Variants in CNNM2 observed in about 807,000 individuals in gnomAD.
The protein encoded by CNNM2 is cyclin and CBS domain divalent metal cation transport mediator 2.
In CNNM2, 12 loss-of-function variants were observed where a neutral mutation model predicts 66.9. That is an observed-to-expected ratio of 0.18 (90% CI 0.11 to 0.29). The LOEUF (loss-of-function observed/expected upper bound fraction) is 0.29, where lower values mean the gene tolerates loss of function less well. Ranked by LOEUF, CNNM2 falls within the 10% of genes least tolerant of loss-of-function variation. The probability of loss-of-function intolerance (pLI) is 1.00; values close to 1 mark genes in which losing one functional copy is unlikely to be tolerated. For missense variants in CNNM2, 705 were observed against 1,167.7 expected (o/e 0.60, Z 5.77); for synonymous variants, 557 against 501.8 (o/e 1.11, Z -1.47).
Position 103,081,564 on chromosome 10 carries a change from AGTTG to A in CNNM2, c.*4388_*4391del. The A allele has an allele frequency of 6.6e-6, 1 of 152,222 alleles. No homozygotes were observed. Among genetic ancestry groups the A allele is most frequent in the East Asian group, 1.9e-4 (1 of 5,172 alleles). 9.4% of individuals were successfully genotyped at this position (152,222 alleles called of 1,614,324 possible). On this transcript the variant is annotated 3_prime_UTR_variant, in exon 8 of 8. Transcript: ENST00000369878. ...TCTTTTCCTATTTCTTAGGTGTTCA[AGTTG>A]GTTAATAGGAGAGAGACGTTCAGAG... is the stretch of plus-strand genomic sequence containing the variant.
intron 2 of CNNM2, among the ~76,000 whole-genome samples, chr10:103,052,294 A>AC (rs375313176): frequency 4.0e-4 from 60 of 151,194 alleles, no homozygotes; most frequent in African/African-American, 1.3e-3. Context: ...AAAAAAACAA[A>AC]AAAAAAAAAA....
In CNNM2 at chr10:103,032,680, TTTA is replaced by T. The variant is rs2064851301; in HGVS notation, c.1622-17026_1622-17024del. Among the ~76,000 whole-genome samples, 5 of 145,470 alleles carry T rather than the reference TTTA, an allele frequency of 3.4e-5. No individual in the cohort carries two copies. The South Asian group carries it at 6.5e-4, about 19-fold the overall frequency. On this transcript the variant is annotated intron_variant, in intron 1 of 7. Transcript: ENST00000369878. ...GTAGCTCTTTTTTTTTTTTTTTTTT[TTTA>T]AATAGCTGCATAGCATTCTATTGCT...
At position 103,078,340 on chromosome 10, in the gene CNNM2, C is replaced by G. The variant is rs886821530; in HGVS notation, c.*1160C>G. Reference sequence around the variant, plus strand: ...CAGGGAGCCAACTGTCCCTCCTCCCCTGTCCCTGGGCCCATGGGGCCCGGC... The same window carrying G: ...CAGGGAGCCAACTGTCCCTCCTCCCGTGTCCCTGGGCCCATGGGGCCCGGC... On this transcript the variant is annotated 3_prime_UTR_variant, in exon 8 of 8. Coordinates refer to ENST00000369878, the MANE Select transcript of CNNM2 (RefSeq NM_017649.5). 1 of 152,332 alleles carries G rather than the reference C, an allele frequency of 6.6e-6. No individual in the cohort carries two copies. Among genetic ancestry groups the G allele is most frequent in the Non-Finnish European group, 1.5e-5 (1 of 68,078 alleles). The allele number at this position is 152,332 out of a possible 1,614,324, so 9.4% of individuals were successfully genotyped here. A position where few individuals can be genotyped will look rare whatever the true frequency, so the allele number is the denominator to read the frequency against.
chr10:103,070,845 G>A (rs937789187), intron 5 of CNNM2, among the ~76,000 whole-genome samples: 2 of 152,082 alleles, frequency 1.3e-5, no homozygotes, highest in East Asian at 1.9e-4. Flanking sequence ...CAGGAGAATC[G>A]CTTGAACCTG....
intron 1 of CNNM2, among the ~76,000 whole-genome samples, chr10:103,037,414 C>A (rs901603936): frequency 3.6e-4 from 54 of 151,908 alleles, no homozygotes; most frequent in African/African-American, 1.3e-3. Flanking sequence ...CCACCATGAC[C>A]ACCATGTCTG....
In CNNM2 at chr10:103,085,827, G is replaced by GA; in HGVS notation, c.*8649dup. On this transcript the variant is annotated 3_prime_UTR_variant, in exon 8 of 8. Coordinates refer to ENST00000369878, the MANE Select transcript of CNNM2 (RefSeq NM_017649.5). The stretch of plus-strand genomic sequence containing the variant: ...TGAGATCACATACCTTTGTTGGAAT[G>GA]AATCAGACTGTTGTGGCCTTGGGAT... 1 of 152,284 alleles carries GA rather than the reference G, an allele frequency of 6.6e-6. No individual in the cohort carries two copies. Among genetic ancestry groups the GA allele is most frequent in the African/African-American group, 2.4e-5 (1 of 41,554 alleles). 9.4% of individuals were successfully genotyped at this position (152,284 alleles called of 1,614,324 possible).
Position 103,082,492 on chromosome 10 carries a change from TTTC to T in CNNM2, c.*5315_*5317del, listed in dbSNP as rs890710183. ...ACTGTGAAGGTGAAGTTATCAATTT[TTTC>T]TTGTTTGAGTCCTTTAAACCCACAA... On this transcript the variant is annotated 3_prime_UTR_variant, in exon 8 of 8. Coordinates refer to ENST00000369878, the MANE Select transcript of CNNM2 (RefSeq NM_017649.5). 2 of 152,232 alleles carry T rather than the reference TTTC, an allele frequency of 1.3e-5. No individual in the cohort carries two copies. Among genetic ancestry groups the T allele is most frequent in the African/African-American group, 2.4e-5 (1 of 41,458 alleles). 9.4% of individuals were successfully genotyped at this position (152,232 alleles called of 1,614,324 possible). A position where few individuals can be genotyped will look rare whatever the true frequency, so the allele number is the denominator to read the frequency against.
chr10:102,931,712 T>C (rs1846070776), intron 1 of CNNM2, among the ~76,000 whole-genome samples: 1 of 152,134 alleles, frequency 6.6e-6, no homozygotes. Context: ...AATTGCTGGA[T>C]CATATGGTAA....
At chr10:102,924,538 A>G (rs911512269) in intron 1 of CNNM2, among the ~76,000 whole-genome samples, 2 of 152,080 alleles carry the variant, frequency 1.3e-5, no homozygotes, top group African/African-American at 4.8e-5. Context: ...AAATCTCTCC[A>G]TATTAATATA....
At chr10:102,935,971 TG>T (rs1168492312) in intron 1 of CNNM2, among the ~76,000 whole-genome samples, 1 of 151,580 alleles carries the variant, frequency 6.6e-6, no homozygotes, top group Non-Finnish European at 1.5e-5. Flanking sequence ...AGAGACAAAA[TG>T]AAACTCTATG....
intron 1 of CNNM2, among the ~76,000 whole-genome samples, chr10:103,026,664 C>A (rs1334992908): frequency 1.4e-5 from 2 of 143,530 alleles, no homozygotes; most frequent in Non-Finnish European, 3.0e-5. Context: ...AGTAAAATTT[C>A]TACTTAATCC....
chr10:102,963,591 TG>T (rs2063416972), intron 1 of CNNM2, among the ~76,000 whole-genome samples: 1 of 152,258 alleles, frequency 6.6e-6, no homozygotes, highest in Non-Finnish European at 1.5e-5. Context: ...GATTCAAGGC[TG>T]ATTGTTCCCG....
chr10:103,043,230 T>C (rs2065072538), intron 1 of CNNM2, among the ~76,000 whole-genome samples: 2 of 152,186 alleles, frequency 1.3e-5, no homozygotes, highest in African/African-American at 4.8e-5. Context: ...CCCCACAGGC[T>C]CAGTTTGCCT....
At position 103,048,325 on chromosome 10, in the gene CNNM2, C is replaced by G. The variant is rs145726160; in HGVS notation, c.1622-1382C>G. Among the ~76,000 whole-genome samples the G allele has an allele frequency of 4.0e-3, 610 of 151,502 alleles. 20 individuals are homozygous for G. The East Asian group carries it at 0.071, about 18-fold the overall frequency. ...CCGCCTCCCAGATTCAAGTGATTCTCCCACCTCAGCCTCCTGAGTAGCTGG... is the reference window on the plus strand; with the variant it reads ...CCGCCTCCCAGATTCAAGTGATTCTGCCACCTCAGCCTCCTGAGTAGCTGG... On this transcript the variant is annotated intron_variant, in intron 1 of 7. Transcript: ENST00000369878.
intron 1 of CNNM2, among the ~76,000 whole-genome samples, chr10:103,018,686 CTTTTTTT>C (rs370000130): frequency 1.7e-4 from 20 of 116,274 alleles, no homozygotes; most frequent in Admixed American, 2.8e-4. Flanking sequence ...CTCTTCTTTC[CTTTTTTT>C]TTTTTTTTTT....
chr10:102,951,342 G>A (rs756923350), intron 1 of CNNM2, among the ~76,000 whole-genome samples: 9 of 151,776 alleles, frequency 5.9e-5, no homozygotes, highest in Admixed American at 1.3e-4. Flanking sequence ...GATTACAAGC[G>A]TGTGCCACCA....
rs116702241 is a variant in CNNM2 at position 103,089,696 on chromosome 10, T to A, written c.*12516T>A. ...CTTATTCTTCCTCCTCCTCCTCCTC[T>A]TCATCATCATCTTCGTCATGGCAGT... On this transcript the variant is annotated 3_prime_UTR_variant, in exon 8 of 8. Transcript: ENST00000369878. The A allele has an allele frequency of 6.8e-6, 11 of 1,609,742 alleles. No individual in the cohort carries two copies. The East Asian group carries it at 8.9e-5, about 13-fold the overall frequency.
chr10:102,924,836 A>T (rs1488987829), intron 1 of CNNM2, among the ~76,000 whole-genome samples: 1 of 152,116 alleles, frequency 6.6e-6, no homozygotes, highest in African/African-American at 2.4e-5. Flanking sequence ...ATTTGTTTTC[A>T]TGATGTTGTA....
intron 1 of CNNM2, among the ~76,000 whole-genome samples, chr10:102,967,389 A>G (rs2063479914): frequency 6.6e-6 from 1 of 152,198 alleles, no homozygotes; most frequent in African/African-American, 2.4e-5. Context: ...CAGTTTTAGA[A>G]CACTGCTTTG....
Sources: allele counts gnomAD v4.1 joint callset (sites outside exome capture counted in the v4.1 genomes callset), GRCh38; gene constraint gnomAD v4.1.1; transcripts MANE v1.5; gene names NCBI Gene and HGNC (gene_info 2026-07-23, HGNC 2026-07-21).